The following MMP26 variants were observed in gnomAD, a reference collection of about 807,000 sequenced individuals.
MMP26 encodes matrix metalloproteinase-26.
A neutral mutation model predicts 31.0 loss-of-function variants in MMP26; 33 were observed. That is an observed-to-expected ratio of 1.06 (90% confidence interval 0.81 to 1.42). The LOEUF is 1.42. Ranked by LOEUF, MMP26 falls within the 40% of genes most tolerant of loss-of-function variation. The probability of loss-of-function intolerance (pLI) is 0.00; values close to 1 mark genes in which losing one functional copy is unlikely to be tolerated. For synonymous variants in MMP26, 122 were observed against 114.9 expected, an observed-to-expected ratio of 1.06 and a Z score of -0.40; for missense variants, 347 against 316.1, an observed-to-expected ratio of 1.10 and a Z score of -0.74.
chr11:4,707,075 T>C (rs1471586432), intron 1 of MMP26, among the ~76,000 whole-genome samples: 3 of 152,236 alleles, frequency 2.0e-5, no homozygotes, highest in Admixed American at 6.5e-5. Context: ...ACTGATTTCC[T>C]TTCCTTTGGA....
chr11:4,922,127 T>G (rs1851194604), intron 2 of MMP26, among the ~76,000 whole-genome samples: 1 of 152,258 alleles, frequency 6.6e-6, no homozygotes, highest in South Asian at 2.1e-4. Flanking sequence ...CTGAGATGTT[T>G]CACTTAATGG....
chr11:4,769,226 G>A (rs1848674585), intron 2 of MMP26: 1 of 1,613,554 alleles, frequency 6.2e-7, no homozygotes, highest in Non-Finnish European at 8.5e-7. Context: ...TTCAGGGGAG[G>A]CAATTCTGAG....
chr11:4,790,061 G>A lies in MMP26; in HGVS notation c.-145+22720G>A, dbSNP rs184288852. On this transcript the variant is annotated intron_variant, in intron 2 of 7. Coordinates refer to ENST00000380390, the MANE Select transcript of MMP26 (RefSeq NM_021801.5). ...ACAACTATATTTAAGAAGCAATTAG[G>A]CCAGGTACGGTAGCTCACGCCTGTA... 4.0e-3 allele frequency among the ~76,000 whole-genome samples: 610 copies of A among 152,152 alleles called. 6 individuals carry two copies. The highest frequency in any genetic ancestry group is 0.028 in the South Asian group (135 of 4,810).
intron 2 of MMP26, among the ~76,000 whole-genome samples, chr11:4,838,088 C>T (rs999955603): frequency 6.6e-6 from 1 of 151,464 alleles, no homozygotes; most frequent in Non-Finnish European, 1.5e-5. Flanking sequence ...GAGGCTGAGG[C>T]AGGCGGATCA....
At chr11:4,773,418 G>C (rs1242127967) in intron 2 of MMP26, among the ~76,000 whole-genome samples, 1 of 152,110 alleles carries the variant, frequency 6.6e-6, no homozygotes, top group Non-Finnish European at 1.5e-5. Flanking sequence ...GCAAGAAACT[G>C]AGTCCCTCAA....
At chr11:4,860,651 A>G (rs1312877356) in intron 2 of MMP26, 2 of 362,124 alleles carry the variant, frequency 5.5e-6, no homozygotes, top group Admixed American at 3.9e-5. Flanking sequence ...GGACAGAACA[A>G]TGGCTTTATG....
intron 2 of MMP26, among the ~76,000 whole-genome samples, chr11:4,778,340 C>T (rs917331885): frequency 2.6e-5 from 4 of 151,986 alleles, no homozygotes; most frequent in Non-Finnish European, 5.9e-5. Flanking sequence ...TTCATCATGT[C>T]GTTGATTTCC....
intron 2 of MMP26, among the ~76,000 whole-genome samples, chr11:4,778,141 T>C (rs548789161): frequency 1.3e-5 from 2 of 152,106 alleles, no homozygotes; most frequent in South Asian, 2.1e-4. Context: ...TTTCTGTTTT[T>C]GTTTTATCCT....
intron 2 of MMP26, among the ~76,000 whole-genome samples, chr11:4,926,939 A>C (rs1031921709): frequency 2.6e-5 from 4 of 152,188 alleles, no homozygotes; most frequent in African/African-American, 9.6e-5. Flanking sequence ...GGGATTACAC[A>C]GAATAGTTTT....
chr11:4,784,313 T>A lies in MMP26; in HGVS notation c.-145+16972T>A, dbSNP rs144899419. 1.6e-3 allele frequency among the ~76,000 whole-genome samples: 248 copies of A among 152,304 alleles called. 1 individual carries two copies. Among genetic ancestry groups the A allele is most frequent in the Middle Eastern group, 6.8e-3 (2 of 294 alleles). On this transcript the variant is annotated intron_variant, in intron 2 of 7. Transcript: ENST00000380390. Reference sequence around the variant, plus strand: ...GTGAGTGTTCCAAGTGCACAAGGAATCTGTAGGAATCAGAATTAGCCTTAA... The same window carrying A: ...GTGAGTGTTCCAAGTGCACAAGGAAACTGTAGGAATCAGAATTAGCCTTAA...
chr11:4,889,306 A>G (rs1850584853), intron 2 of MMP26, among the ~76,000 whole-genome samples: 1 of 152,162 alleles, frequency 6.6e-6, no homozygotes, highest in Non-Finnish European at 1.5e-5. Context: ...AAGTATCTCT[A>G]GAATATTTAT....
chr11:4,892,872 C>A (rs915314177), intron 2 of MMP26, among the ~76,000 whole-genome samples: 18 of 152,258 alleles, frequency 1.2e-4, no homozygotes, highest in African/African-American at 4.3e-4. Flanking sequence ...CATGTTGATT[C>A]ATTATTAATA....
intron 2 of MMP26, chr11:4,830,377 A>G (rs927952662): frequency 6.6e-6 from 1 of 152,240 alleles, no homozygotes; most frequent in Admixed American, 6.5e-5. Context: ...TGTTCAACCT[A>G]AGAGATCAAG....
intron 2 of MMP26, among the ~76,000 whole-genome samples, chr11:4,774,632 A>G (rs1157592585): frequency 1.3e-5 from 2 of 152,140 alleles, no homozygotes; most frequent in African/African-American, 2.4e-5. Flanking sequence ...CTTTAGTTTA[A>G]TTAGATCCTG....
intron 2 of MMP26, among the ~76,000 whole-genome samples, chr11:4,851,373 G>A (rs1257936217): frequency 6.6e-6 from 1 of 152,106 alleles, no homozygotes; most frequent in East Asian, 1.9e-4. Flanking sequence ...TGAGGTTCTG[G>A]TCCTCTTTGG....
At chr11:4,728,052 G>C (rs1848126847) in intron 1 of MMP26, among the ~76,000 whole-genome samples, 1 of 152,098 alleles carries the variant, frequency 6.6e-6, no homozygotes, top group Non-Finnish European at 1.5e-5. Context: ...GTATGTATTA[G>C]GAGGTCTAAA....
intron 1 of MMP26, among the ~76,000 whole-genome samples, chr11:4,725,078 C>A (rs1196856615): frequency 6.6e-6 from 1 of 152,118 alleles, no homozygotes; most frequent in Non-Finnish European, 1.5e-5. Context: ...GAGTGTATGG[C>A]ACCTCCCCCT....
intron 2 of MMP26, among the ~76,000 whole-genome samples, chr11:4,846,675 T>C (rs1185585522): frequency 6.6e-6 from 1 of 152,128 alleles, no homozygotes; most frequent in Non-Finnish European, 1.5e-5. Flanking sequence ...CCCATAAATA[T>C]ATAAACCTAC....
intron 2 of MMP26, chr11:4,913,628 T>C (rs963737030): frequency 3.9e-5 from 6 of 152,218 alleles, no homozygotes; most frequent in Non-Finnish European, 7.3e-5. Context: ...CCTTGGCTTA[T>C]AATCTCTTTC....
Sources: gnomAD v4.1 joint callset for allele counts (sites outside exome capture counted in the v4.1 genomes callset) on GRCh38, gnomAD v4.1.1 for gene constraint, MANE v1.5 for transcripts, NCBI Gene and HGNC (gene_info 2026-07-23, HGNC 2026-07-21) for gene names.